PDZRN4: variants seen among roughly 807,000 people sequenced by gnomAD.
PDZRN4 encodes the protein PDZ domain-containing RING finger protein 4.
In PDZRN4, 70 loss-of-function variants were observed where a neutral mutation model predicts 99.0. The observed-to-expected ratio is 0.71, with a 90% CI of 0.58 to 0.86. The LOEUF (loss-of-function observed/expected upper bound fraction) is 0.86, where lower values mean the gene tolerates loss of function less well. PDZRN4 is among the 40% of genes least tolerant of loss of function. The probability of loss-of-function intolerance (pLI) is 0.00; values close to 1 mark genes in which losing one functional copy is unlikely to be tolerated. For missense variants in PDZRN4, 1,474 were observed against 1,331.2 expected (o/e 1.11, Z -1.67); for synonymous variants, 551 against 501.6 (o/e 1.10, Z -1.32).
chr12:41,252,523 G>T (rs938643410), intron 3 of PDZRN4, among the ~76,000 whole-genome samples: 4 of 152,136 alleles, frequency 2.6e-5, no homozygotes, highest in Non-Finnish European at 5.9e-5. Context: ...CGAAGCAGGG[G>T]GATCACAGGA....
chr12:41,513,335 C>T (rs1330979866), intron 5 of PDZRN4, among the ~76,000 whole-genome samples: 3 of 151,960 alleles, frequency 2.0e-5, no homozygotes, highest in Non-Finnish European at 4.4e-5. Context: ...CTCACCATGA[C>T]CTATCACCAA....
chr12:41,220,189 TCA>T (rs1950945692), intron 3 of PDZRN4, among the ~76,000 whole-genome samples: 1 of 152,116 alleles, frequency 6.6e-6, no homozygotes, highest in Non-Finnish European at 1.5e-5. Context: ...ATGTAATTTC[TCA>T]CAGTTTTGGA....
intron 5 of PDZRN4, among the ~76,000 whole-genome samples, chr12:41,536,866 A>G (rs1446640186): frequency 6.6e-6 from 1 of 150,708 alleles, no homozygotes; most frequent in Non-Finnish European, 1.5e-5. Flanking sequence ...TCTTGTTAGT[A>G]TGTTTAACAA....
chr12:41,385,387 G>C (rs1952162085), intron 3 of PDZRN4, among the ~76,000 whole-genome samples: 1 of 152,110 alleles, frequency 6.6e-6, no homozygotes, highest in African/African-American at 2.4e-5. Context: ...CTATTTGAAG[G>C]CCAATGTTCT....
intron 3 of PDZRN4, among the ~76,000 whole-genome samples, chr12:41,406,512 T>G (rs991544599): frequency 4.6e-5 from 7 of 152,170 alleles, no homozygotes; most frequent in Non-Finnish European, 1.0e-4. Flanking sequence ...ACTTATGACT[T>G]CTCATTATCA....
intron 3 of PDZRN4, among the ~76,000 whole-genome samples, chr12:41,373,054 A>C (rs1231520371): frequency 6.6e-6 from 1 of 152,148 alleles, no homozygotes; most frequent in African/African-American, 2.4e-5. Flanking sequence ...GATGCCCCCC[A>C]AGCTGCAAAA....
intron 3 of PDZRN4, among the ~76,000 whole-genome samples, chr12:41,301,115 G>T (rs1006320914): frequency 4.6e-5 from 7 of 151,958 alleles, no homozygotes; most frequent in African/African-American, 1.4e-4. Flanking sequence ...GATGATTGCT[G>T]GGAAATATCC....
At chr12:41,411,072 T>A (rs1352358098) in intron 3 of PDZRN4, among the ~76,000 whole-genome samples, 5 of 149,912 alleles carry the variant, frequency 3.3e-5, no homozygotes, top group African/African-American at 9.8e-5. Context: ...TATATATTTT[T>A]TTTTTATTTG....
At chr12:41,376,704 T>C (rs1037112383) in intron 3 of PDZRN4, among the ~76,000 whole-genome samples, 2 of 152,190 alleles carry the variant, frequency 1.3e-5, no homozygotes, top group Non-Finnish European at 2.9e-5. Context: ...TTGATGTTTT[T>C]TTCGTTGTAC....
chr12:41,214,680 G>A (rs1950909826), intron 3 of PDZRN4, among the ~76,000 whole-genome samples: 1 of 151,900 alleles, frequency 6.6e-6, no homozygotes, highest in South Asian at 2.1e-4. Flanking sequence ...AGAGTTGAAA[G>A]CCATTATAAA....
intron 3 of PDZRN4, among the ~76,000 whole-genome samples, chr12:41,255,232 G>A (rs1006361705): frequency 2.6e-5 from 4 of 151,912 alleles, no homozygotes; most frequent in Admixed American, 6.6e-5. Context: ...GGGAGAAGGC[G>A]CAAGTGATCA....
intron 3 of PDZRN4, among the ~76,000 whole-genome samples, chr12:41,316,900 C>T (rs936904558): frequency 6.6e-6 from 1 of 151,394 alleles, no homozygotes; most frequent in African/African-American, 2.4e-5. Flanking sequence ...GTTTTCCTGT[C>T]CATCACATAA....
intron 3 of PDZRN4, among the ~76,000 whole-genome samples, chr12:41,219,139 C>T (rs1950938563): frequency 6.6e-6 from 1 of 152,062 alleles, no homozygotes; most frequent in Non-Finnish European, 1.5e-5. Flanking sequence ...CAGATCCTGC[C>T]TTTCAGGGTT....
At chr12:41,271,279 A>T (rs74491423) in intron 3 of PDZRN4, among the ~76,000 whole-genome samples, 1,732 of 152,194 alleles carry the variant, frequency 0.011, 54 homozygotes, top group East Asian at 0.096. Flanking sequence ...TTGTTTTATG[A>T]ATAGCTGATT....
intron 3 of PDZRN4, among the ~76,000 whole-genome samples, chr12:41,297,312 C>T (rs1951502655): frequency 2.0e-5 from 3 of 152,050 alleles, no homozygotes; most frequent in Non-Finnish European, 2.9e-5. Context: ...AGGACAGAGA[C>T]AATAACATTG....
intron 3 of PDZRN4, among the ~76,000 whole-genome samples, chr12:41,449,730 G>A (rs963272254): frequency 1.1e-4 from 16 of 152,342 alleles, no homozygotes; most frequent in African/African-American, 3.6e-4. Flanking sequence ...ATATATCTGT[G>A]TAAAATTAAA....
chr12:41,249,749 C>G (rs1004005444), intron 3 of PDZRN4, among the ~76,000 whole-genome samples: 3 of 152,186 alleles, frequency 2.0e-5, no homozygotes, highest in Admixed American at 6.5e-5. Context: ...GAAGACTTTA[C>G]ACTTTGACAT....
At chr12:41,571,830 A>G (rs1159878981) in intron 9 of PDZRN4, among the ~76,000 whole-genome samples, 1 of 152,192 alleles carries the variant, frequency 6.6e-6, no homozygotes, top group Non-Finnish European at 1.5e-5. Flanking sequence ...AGGCTCCAGT[A>G]CATAATGTTA....
intron 3 of PDZRN4, among the ~76,000 whole-genome samples, chr12:41,372,788 C>A (rs1442816115): frequency 6.6e-6 from 1 of 152,014 alleles, no homozygotes; most frequent in African/African-American, 2.4e-5. Context: ...CCTGAAGGTG[C>A]TGGAGAAACA....
Sources: allele counts gnomAD v4.1 joint callset (sites outside exome capture counted in the v4.1 genomes callset), GRCh38; gene constraint gnomAD v4.1.1; transcripts MANE v1.5; gene names NCBI Gene and HGNC (gene_info 2026-07-23, HGNC 2026-07-21).